ATXN8OS: variants seen among roughly 807,000 people sequenced by gnomAD.
ATXN8OS encodes ATXN8 opposite strand lncRNA, also known as ATXN8 opposite strand (non-protein coding).
intron 3 of ATXN8OS, among the ~76,000 whole-genome samples, chr13:70,138,805 A>C (rs1304541862): frequency 6.6e-6 from 1 of 152,118 alleles, no homozygotes; most frequent in East Asian, 1.9e-4. Flanking sequence ...AAATAATGTA[A>C]AAATTCATAA....
At chr13:70,168,841 T>C (rs1889109815) in intron 4 of ATXN8OS, among the ~76,000 whole-genome samples, 1 of 152,180 alleles carries the variant, frequency 6.6e-6, no homozygotes, top group Admixed American at 6.5e-5. Flanking sequence ...GTTTTGTGAA[T>C]GTGCAGTAGT....
intron 4 of ATXN8OS, among the ~76,000 whole-genome samples, chr13:70,166,685 G>T (rs377739139): frequency 6.6e-6 from 1 of 152,054 alleles, no homozygotes; most frequent in East Asian, 1.9e-4. Context: ...TAATTAAACT[G>T]AAGAGCTTCT....
chr13:70,138,768 A>G (rs1035031091), intron 3 of ATXN8OS, among the ~76,000 whole-genome samples: 1 of 152,176 alleles, frequency 6.6e-6, no homozygotes, highest in African/African-American at 2.4e-5. Flanking sequence ...ATTAGTAATT[A>G]GAGGTAACAT....
intron 2 of ATXN8OS, chr13:70,115,303 G>A: frequency 2.5e-6 from 1 of 398,096 alleles, no homozygotes; most frequent in South Asian, 1.3e-4. Context: ...ACTCCTGTAA[G>A]TCCATTTTAT....
At chr13:70,123,385 T>C (rs1419701690) in intron 2 of ATXN8OS, among the ~76,000 whole-genome samples, 1 of 152,120 alleles carries the variant, frequency 6.6e-6, no homozygotes, top group Non-Finnish European at 1.5e-5. Flanking sequence ...CTCTAGTCAC[T>C]AGAGTGAATA....
At chr13:70,129,556 T>C (rs943393956) in intron 2 of ATXN8OS, among the ~76,000 whole-genome samples, 3 of 152,174 alleles carry the variant, frequency 2.0e-5, no homozygotes, top group African/African-American at 7.2e-5. Context: ...TGTAATGCAA[T>C]ATATTTAGTT....
intron 3 of ATXN8OS, among the ~76,000 whole-genome samples, chr13:70,140,677 C>G (rs914028814): frequency 2.0e-5 from 3 of 152,064 alleles, no homozygotes; most frequent in African/African-American, 7.2e-5. Context: ...TCTTTAGGCA[C>G]TTTATCTCTT....
chr13:70,118,333 A>G lies in ATXN8OS; in HGVS notation n.398+3035A>G, dbSNP rs159917. Among the ~76,000 whole-genome samples the G allele has an allele frequency of 5.8e-3, 876 of 152,200 alleles. 12 individuals are homozygous for G. Among genetic ancestry groups the G allele is most frequent in the African/African-American group, 0.02 (817 of 41,544 alleles). On this transcript the variant is annotated intron_variant and non_coding_transcript_variant, in intron 2 of 4. Transcript: ENST00000678624. ...TGTGAGTGAAACAATAAATTTTACT[A>G]GGAAAACTAGAGGTTATTTTGTCAG...
At chr13:70,142,477 C>T (rs942704050) in intron 3 of ATXN8OS, among the ~76,000 whole-genome samples, 1 of 152,148 alleles carries the variant, frequency 6.6e-6, no homozygotes, top group Non-Finnish European at 1.5e-5. Context: ...TTTAAGTCCT[C>T]ATTAGAGCTA....
chr13:70,160,172 G>A (rs681937), intron 4 of ATXN8OS, among the ~76,000 whole-genome samples: 1 of 151,918 alleles, frequency 6.6e-6, no homozygotes, highest in African/African-American at 2.4e-5. Flanking sequence ...TTGACTTTTT[G>A]TGAGCACTCA....
At chr13:70,119,297 C>T (rs1888325848) in intron 2 of ATXN8OS, among the ~76,000 whole-genome samples, 1 of 152,022 alleles carries the variant, frequency 6.6e-6, no homozygotes, top group African/African-American at 2.4e-5. Flanking sequence ...ACAGTCAGCC[C>T]TACAGGAGTC....
chr13:70,132,574 CCAGGTAAGAAACTTGCA>C (rs1888549080), intron 3 of ATXN8OS, among the ~76,000 whole-genome samples: 1 of 151,716 alleles, frequency 6.6e-6, no homozygotes, highest in African/African-American at 2.4e-5. Context: ...CACAATATAC[CCAGGTAAGAAACTTGCA>C]CATGTACCCC....
chr13:70,132,158 C>T (rs1002563252), intron 3 of ATXN8OS, among the ~76,000 whole-genome samples: 1 of 151,948 alleles, frequency 6.6e-6, no homozygotes, highest in African/African-American at 2.4e-5. Flanking sequence ...GTTTATTTTA[C>T]TCTTTGAAAA....
intron 3 of ATXN8OS, among the ~76,000 whole-genome samples, chr13:70,147,264 A>G (rs1056417311): frequency 6.6e-6 from 1 of 152,196 alleles, no homozygotes; most frequent in African/African-American, 2.4e-5. Flanking sequence ...ACTTCCCATG[A>G]TGTGAATTTA....
At chr13:70,166,184 C>T (rs986913777) in intron 4 of ATXN8OS, among the ~76,000 whole-genome samples, 7 of 151,932 alleles carry the variant, frequency 4.6e-5, no homozygotes, top group African/African-American at 1.2e-4. Context: ...TCATATGGAA[C>T]CAAAAAAGAG....
intron 4 of ATXN8OS, among the ~76,000 whole-genome samples, chr13:70,149,616 G>C (rs1249168158): frequency 3.9e-5 from 6 of 152,044 alleles, no homozygotes; most frequent in Non-Finnish European, 7.4e-5. Context: ...GCAGTCAGAA[G>C]ACATTTACTT....
intron 4 of ATXN8OS, among the ~76,000 whole-genome samples, chr13:70,166,999 T>TA (rs1363726747): frequency 6.6e-6 from 1 of 151,676 alleles, no homozygotes; most frequent in African/African-American, 2.4e-5. Flanking sequence ...TGGCAATCAT[T>TA]AAAAAGTCAG....
chr13:70,114,824 T>A (rs1198221796), intron 1 of ATXN8OS, among the ~76,000 whole-genome samples: 1 of 152,172 alleles, frequency 6.6e-6, no homozygotes, highest in Non-Finnish European at 1.5e-5. Flanking sequence ...AACTGGCCAC[T>A]AATATTTTCT....
intron 3 of ATXN8OS, among the ~76,000 whole-genome samples, chr13:70,139,640 G>GT (rs1340653002): frequency 6.6e-6 from 1 of 151,958 alleles, no homozygotes; most frequent in East Asian, 1.9e-4. Flanking sequence ...CAAACACAAT[G>GT]TTTATCAAAG....
Sources: gnomAD v4.1 joint callset for allele counts (sites outside exome capture counted in the v4.1 genomes callset) on GRCh38, gnomAD v4.1.1 for gene constraint, MANE v1.5 for transcripts, NCBI Gene and HGNC (gene_info 2026-07-23, HGNC 2026-07-21) for gene names.